Variants in EXD2 observed in about 807,000 individuals in gnomAD.
The protein encoded by EXD2 is exonuclease 3'-5' domain containing 2.
Under a neutral mutation model 62.5 loss-of-function variants are expected in EXD2, and 40 were observed. That is an observed-to-expected ratio of 0.64 (90% CI 0.50 to 0.83). The LOEUF (loss-of-function observed/expected upper bound fraction) is 0.83, where lower values mean the gene tolerates loss of function less well. Ranked by LOEUF, EXD2 falls within the 40% of genes least tolerant of loss-of-function variation. The pLI is 0.00. For missense variants in EXD2, 671 were observed against 761.8 expected, an observed-to-expected ratio of 0.88 and a Z score of 1.40; for synonymous variants, 239 against 291.9, an observed-to-expected ratio of 0.82 and a Z score of 1.85.
chr14:69,218,097 G>A (rs1425334960), intron 3 of EXD2, among the ~76,000 whole-genome samples: 1 of 152,204 alleles, frequency 6.6e-6, no homozygotes, highest in Non-Finnish European at 1.5e-5. Context: ...CTGGATCCTT[G>A]AGGAATCGCC....
intron 3 of EXD2, among the ~76,000 whole-genome samples, chr14:69,219,431 T>C (rs1238769385): frequency 6.6e-6 from 1 of 152,230 alleles, no homozygotes; most frequent in Non-Finnish European, 1.5e-5. Flanking sequence ...TCTTGGCTAT[T>C]ATGAATGGTG....
At chr14:69,226,162 T>G (rs1022523265) in intron 3 of EXD2, among the ~76,000 whole-genome samples, 1 of 152,188 alleles carries the variant, frequency 6.6e-6, no homozygotes, top group Non-Finnish European at 1.5e-5. Context: ...GATTTATAGC[T>G]TTTTCTTGGA....
At chr14:69,197,580 G>C (rs550318672) in intron 1 of EXD2, among the ~76,000 whole-genome samples, 29 of 152,150 alleles carry the variant, frequency 1.9e-4, no homozygotes, top group African/African-American at 6.5e-4. Context: ...CCCCTTCCCT[G>C]TCTTCCCCTC....
chr14:69,236,103 C>T lies in EXD2; in HGVS notation c.1107C>T (p.Cys369=), dbSNP rs1385525731. The change falls in exon 7 of 10, where the codon TGC becomes TGT. Residue 369 remains cysteine (C), a synonymous_variant. Coordinates refer to ENST00000685843, the MANE Select transcript of EXD2 (RefSeq NM_001193360.2). ...FLHAPDGQPL[C]TCDRRKAQWY... ...ATGCTCCTGATGGACAGCCCCTCTG[C>T]ACTTGTGATAGAAGAAAAGCTCAGT... The T allele has an allele frequency of 3.7e-6, 6 of 1,614,086 alleles. No individual in the cohort carries two copies. Among genetic ancestry groups the T allele is most frequent in the Non-Finnish European group, 5.1e-6 (6 of 1,180,032 alleles).
At chr14:69,205,132 A>T (rs888909080) in intron 2 of EXD2, among the ~76,000 whole-genome samples, 1 of 152,230 alleles carries the variant, frequency 6.6e-6, no homozygotes, top group Admixed American at 6.5e-5. Context: ...GACCCCCTTC[A>T]TACATTCCAA....
intron 1 of EXD2, among the ~76,000 whole-genome samples, chr14:69,201,827 C>T (rs1440671826): frequency 2.0e-5 from 3 of 151,762 alleles, no homozygotes; most frequent in African/African-American, 7.3e-5. Context: ...GGAGTGCAGG[C>T]GCACACCACC....
At chr14:69,220,971 A>G (rs1232640374) in intron 3 of EXD2, among the ~76,000 whole-genome samples, 4 of 152,272 alleles carry the variant, frequency 2.6e-5, no homozygotes, top group East Asian at 1.9e-4. Context: ...GGCTCAAGCA[A>G]TCCTCCCACC....
chr14:69,214,449 T>C (rs369615947), intron 3 of EXD2, among the ~76,000 whole-genome samples: 3 of 152,220 alleles, frequency 2.0e-5, no homozygotes, highest in African/African-American at 7.2e-5. Flanking sequence ...CAATTCCCTT[T>C]TTCTTTATTT....
chr14:69,208,191 C>T (rs1243997023), intron 2 of EXD2, among the ~76,000 whole-genome samples: 11 of 149,290 alleles, frequency 7.4e-5, no homozygotes, highest in Non-Finnish European at 1.5e-4. Context: ...AGCCACTGCA[C>T]CTGGCCAGGC....
intron 3 of EXD2, among the ~76,000 whole-genome samples, chr14:69,225,804 A>G (rs1376787524): frequency 6.6e-6 from 1 of 152,218 alleles, no homozygotes; most frequent in Non-Finnish European, 1.5e-5. Flanking sequence ...TTTAAGCTAA[A>G]TTGACTCTCC....
At chr14:69,210,349 T>A (rs1447659003) in intron 3 of EXD2, 1 of 153,588 alleles carries the variant, frequency 6.5e-6, no homozygotes, top group Non-Finnish European at 1.5e-5. Flanking sequence ...TGAAACATCA[T>A]TTACTCTAAG....
chr14:69,236,491 T>C lies in EXD2; in HGVS notation c.1241T>C (p.Met414Thr), dbSNP rs147562168. 4 of 1,614,054 alleles carry C rather than the reference T, an allele frequency of 2.5e-6. No individual in the cohort carries two copies. In the African/African-American group the frequency reaches 4.0e-5, roughly 16 times the overall value. Residue 414 changes from methionine to threonine, a missense_variant, in exon 8 of 10, where the codon ATG becomes ACG. Transcript: ENST00000685843. The part of the protein sequence containing the change: ...RPESPGDYYL[M>T]VKENLCVVCG... ...GAATCTCCTGGAGACTATTACTTGA[T>C]GGTTAAAGAGAACCTGTGTGTAGTG...
Position 69,242,349 on chromosome 14 carries a change from G to A in EXD2, c.*1249G>A. 4.1e-6 allele frequency: 1 copy of A among 245,632 alleles called. No homozygotes were observed. Among genetic ancestry groups the A allele is most frequent in the African/African-American group, 2.2e-5 (1 of 44,676 alleles). The allele number at this position is 245,632 out of a possible 1,614,324, so 15.2% of individuals were successfully genotyped here. On this transcript the variant is annotated 3_prime_UTR_variant, in exon 10 of 10. Transcript: ENST00000685843. The stretch of plus-strand genomic sequence containing the variant: ...TCTAAAATTAATAATAAAACTACTT[G>A]TAAGCACAAGGCTCACTGGATGTAA...
chr14:69,225,002 C>T (rs77448911), intron 3 of EXD2, among the ~76,000 whole-genome samples: 2,123 of 152,234 alleles, frequency 0.014, 42 homozygotes, highest in African/African-American at 0.047. Flanking sequence ...GCAGATGTCT[C>T]AATTACCTAC....
At chr14:69,195,370 T>C (rs974691858) in intron 1 of EXD2, among the ~76,000 whole-genome samples, 7 of 152,158 alleles carry the variant, frequency 4.6e-5, no homozygotes, top group Non-Finnish European at 1.0e-4. Flanking sequence ...CTAATTTTTG[T>C]ATTGTTTATA....
intron 5 of EXD2, among the ~76,000 whole-genome samples, chr14:69,233,731 A>T (rs538086475): frequency 1.3e-5 from 2 of 148,816 alleles, no homozygotes; most frequent in South Asian, 4.3e-4. Flanking sequence ...GTGAGCCACC[A>T]CACCCAGCCG....
In EXD2 at chr14:69,240,960, A is replaced by T. The variant is rs1432184153; in HGVS notation, c.1726A>T (p.Met576Leu). The change falls in exon 10 of 10, where the codon ATG (methionine) becomes TTG (leucine). Residue 576 changes from methionine to leucine, a missense_variant. Physicochemically the swap from Met to Leu is conservative, Grantham distance 15. Transcript: ENST00000685843. ...CAGCCAGGGTGGCCTGCGCTCCCTC[A>T]TGCAGCTGGAGAGCCGCTGGCGTCA... ...CHSQGGLRSL[M>L]QLESRWRQHF... 5 of 1,613,406 alleles carry T rather than the reference A, an allele frequency of 3.1e-6. No homozygotes were observed. Among genetic ancestry groups the T allele is most frequent in the Non-Finnish European group, 4.2e-6 (5 of 1,180,030 alleles).
At chr14:69,216,031 A>G (rs1566826568) in intron 3 of EXD2, among the ~76,000 whole-genome samples, 1 of 152,170 alleles carries the variant, frequency 6.6e-6, no homozygotes, top group East Asian at 1.9e-4. Context: ...AGTCATGAAC[A>G]TATTCTCCCC....
At chr14:69,191,846 G>GCCCGCGGCCT (rs2042035019) in intron 1 of EXD2, 1 of 152,368 alleles carries the variant, frequency 6.6e-6, no homozygotes. Flanking sequence ...CCTCACCCCT[G>GCCCGCGGCCT]CCCGCGGCCT....
Sources: allele counts gnomAD v4.1 joint callset (sites outside exome capture counted in the v4.1 genomes callset), GRCh38; gene constraint gnomAD v4.1.1; transcripts MANE v1.5; gene names NCBI Gene and HGNC (gene_info 2026-07-23, HGNC 2026-07-21).